Variants in SPOCK1 observed in about 807,000 individuals in gnomAD.
The protein encoded by SPOCK1 is testican-1.
Under a neutral mutation model 55.3 loss-of-function variants are expected in SPOCK1, and 23 were observed. The observed-to-expected ratio is 0.42, with a 90% CI of 0.30 to 0.59. The LOEUF (loss-of-function observed/expected upper bound fraction) is 0.59. Among genes scored for constraint, SPOCK1 ranks in the 20% least tolerant of loss-of-function variants. The pLI, the probability that SPOCK1 is intolerant of heterozygous loss-of-function variation, is 0.22. For missense variants in SPOCK1, 499 were observed against 552.5 expected (o/e 0.90, Z 0.97); for synonymous variants, 226 against 221.0 (o/e 1.02, Z -0.20).
chr5:137,213,665 T>C (rs999592906), intron 3 of SPOCK1, among the ~76,000 whole-genome samples: 2 of 152,214 alleles, frequency 1.3e-5, no homozygotes, highest in African/African-American at 4.8e-5. Flanking sequence ...TAATTCAGTA[T>C]GTTGATGAGC....
intron 2 of SPOCK1, among the ~76,000 whole-genome samples, chr5:137,341,021 C>A (rs545664787): frequency 6.6e-6 from 1 of 152,202 alleles, no homozygotes; most frequent in Non-Finnish European, 1.5e-5. Context: ...CACCCCTCCA[C>A]GGGACCATAG....
intron 2 of SPOCK1, among the ~76,000 whole-genome samples, chr5:137,473,676 A>T (rs1460410034): frequency 2.0e-5 from 3 of 152,254 alleles, no homozygotes; most frequent in Non-Finnish European, 4.4e-5. Context: ...TGGAAACAAA[A>T]TCACTTTAAA....
At chr5:137,105,600 T>C (rs1753348481) in intron 5 of SPOCK1, among the ~76,000 whole-genome samples, 1 of 152,220 alleles carries the variant, frequency 6.6e-6, no homozygotes, top group Non-Finnish European at 1.5e-5. Flanking sequence ...TGCCAAGAAC[T>C]TCAAACATGA....
At chr5:137,240,368 G>C (rs917108609) in intron 3 of SPOCK1, among the ~76,000 whole-genome samples, 1 of 152,204 alleles carries the variant, frequency 6.6e-6, no homozygotes, top group African/African-American at 2.4e-5. Flanking sequence ...GCAAAGGGAA[G>C]CAGGCATATG....
At chr5:137,382,751 T>C (rs10078812) in intron 2 of SPOCK1, among the ~76,000 whole-genome samples, 12,990 of 152,172 alleles carry the variant, frequency 0.085, 1,259 homozygotes, top group African/African-American at 0.24. Flanking sequence ...CAGGCTCCTC[T>C]TCCAATTTGA....
Position 137,336,881 on chromosome 5 carries a change from T to C in SPOCK1, c.187-69826A>G, listed in dbSNP as rs190974847. Among the ~76,000 whole-genome samples, 266 of 152,194 alleles carry C rather than the reference T, an allele frequency of 1.7e-3. 1 individual carries two copies. The highest frequency in any genetic ancestry group is 2.7e-3 in the Non-Finnish European group (186 of 68,006). On this transcript the variant is annotated intron_variant, in intron 2 of 10. Coordinates refer to ENST00000394945, the MANE Select transcript of SPOCK1 (RefSeq NM_004598.4). ...GATTGGAGCCCAAGAGAGTTTCAAGTGCAAGTTTCAAAGAAAAGGGCTCCT... is the reference window on the plus strand; with the variant it reads ...GATTGGAGCCCAAGAGAGTTTCAAGCGCAAGTTTCAAAGAAAAGGGCTCCT...
intron 2 of SPOCK1, among the ~76,000 whole-genome samples, chr5:137,346,481 G>A (rs186884956): frequency 4.6e-5 from 7 of 152,304 alleles, no homozygotes; most frequent in Admixed American, 3.3e-4. Flanking sequence ...GAAAAAGACC[G>A]AGATAATCAG....
At chr5:137,360,614 T>C (rs1295093666) in intron 2 of SPOCK1, among the ~76,000 whole-genome samples, 1 of 152,228 alleles carries the variant, frequency 6.6e-6, no homozygotes, top group Non-Finnish European at 1.5e-5. Context: ...CTAAAGGGCT[T>C]TATTTTAGGA....
At chr5:137,442,725 T>G (rs748071018) in intron 2 of SPOCK1, among the ~76,000 whole-genome samples, 3 of 152,256 alleles carry the variant, frequency 2.0e-5, no homozygotes, top group Non-Finnish European at 4.4e-5. Flanking sequence ...GGGAGGCATG[T>G]GCCAACAAGG....
chr5:137,201,331 C>T (rs951459275), intron 3 of SPOCK1, among the ~76,000 whole-genome samples: 6 of 152,106 alleles, frequency 3.9e-5, no homozygotes, highest in South Asian at 2.1e-4. Context: ...AACTCTGGAA[C>T]GATGTTAGGA....
At chr5:137,099,700 C>T (rs1050887496) in intron 5 of SPOCK1, among the ~76,000 whole-genome samples, 1 of 151,938 alleles carries the variant, frequency 6.6e-6, no homozygotes, top group African/African-American at 2.4e-5. Context: ...CCCTTTAACT[C>T]AGGGTGAACC....
intron 2 of SPOCK1, among the ~76,000 whole-genome samples, chr5:137,372,353 C>T (rs1035922760): frequency 5.9e-5 from 9 of 152,220 alleles, no homozygotes; most frequent in Non-Finnish European, 1.3e-4. Context: ...AATACCCTCC[C>T]TGAGCAATAG....
intron 3 of SPOCK1, among the ~76,000 whole-genome samples, chr5:137,206,588 C>T (rs531025609): frequency 1.8e-3 from 276 of 152,330 alleles, no homozygotes; most frequent in African/African-American, 6.4e-3. Context: ...TCTGTTTCTT[C>T]ACTTATATCA....
intron 2 of SPOCK1, among the ~76,000 whole-genome samples, chr5:137,351,173 T>C (rs957846602): frequency 1.3e-5 from 2 of 152,160 alleles, no homozygotes; most frequent in African/African-American, 4.8e-5. Flanking sequence ...AGAAGCAGCA[T>C]GCTGGGTTGG....
At chr5:137,201,489 G>C (rs759099796) in intron 3 of SPOCK1, among the ~76,000 whole-genome samples, 6 of 152,060 alleles carry the variant, frequency 3.9e-5, no homozygotes, top group Non-Finnish European at 8.8e-5. Flanking sequence ...CAGAAACAAA[G>C]CCACCGTAAC....
rs959283783 is a variant in SPOCK1 at position 137,132,798 on chromosome 5, TTTG to T, written c.347+7779_347+7781del. 3.4e-4 allele frequency among the ~76,000 whole-genome samples: 52 copies of T among 152,230 alleles called. 1 individual carries two copies. The East Asian group carries it at 9.9e-3, about 29-fold the overall frequency. ...TCTGGAAGCGCTTTTTTTGTTGTTT[TTTG>T]TTGTTGTTGTTGTTTTTCTTCAGCA... is the stretch of plus-strand genomic sequence containing the variant. On this transcript the variant is annotated intron_variant, in intron 4 of 10. Coordinates refer to ENST00000394945, the MANE Select transcript of SPOCK1 (RefSeq NM_004598.4).
chr5:137,026,069 G>C (rs1049147810), intron 6 of SPOCK1, among the ~76,000 whole-genome samples: 2 of 152,250 alleles, frequency 1.3e-5, no homozygotes, highest in Non-Finnish European at 2.9e-5. Context: ...ATGCCTGCAA[G>C]AGGCGAGATT....
intron 3 of SPOCK1, among the ~76,000 whole-genome samples, chr5:137,203,908 A>C (rs1348960887): frequency 6.6e-6 from 1 of 152,250 alleles, no homozygotes; most frequent in Non-Finnish European, 1.5e-5. Context: ...AATGTGGATT[A>C]GCAATGTAGA....
chr5:137,206,915 A>G (rs1045111556), intron 3 of SPOCK1, among the ~76,000 whole-genome samples: 1 of 152,260 alleles, frequency 6.6e-6, no homozygotes, highest in African/African-American at 2.4e-5. Flanking sequence ...TCAAAGGGAC[A>G]CGATGATGAT....
Sources: allele counts gnomAD v4.1 joint callset (sites outside exome capture counted in the v4.1 genomes callset), GRCh38; gene constraint gnomAD v4.1.1; transcripts MANE v1.5; gene names NCBI Gene and HGNC (gene_info 2026-07-23, HGNC 2026-07-21).